The following COL4A2 variants were observed in gnomAD, a reference collection of about 807,000 sequenced individuals.
COL4A2 encodes the protein collagen alpha-2(IV) chain.
Under a neutral mutation model 200.2 loss-of-function variants are expected in COL4A2, and 99 were observed. The ratio of observed to expected loss-of-function variants is 0.49; its 90% CI spans 0.42 to 0.58. COL4A2 has a LOEUF of 0.58. COL4A2 is among the 20% of genes least tolerant of loss of function. COL4A2 has a pLI of 0.00. For synonymous variants in COL4A2, 897 were observed against 900.6 expected, an observed-to-expected ratio of 1.00 and a Z score of 0.07; for missense variants, 1,950 against 2,314.1, an observed-to-expected ratio of 0.84 and a Z score of 3.23.
intron 3 of COL4A2, among the ~76,000 whole-genome samples, chr13:110,334,025 T>C (rs1449832104): frequency 1.3e-5 from 2 of 152,214 alleles, no homozygotes; most frequent in Admixed American, 1.3e-4. Context: ...GGCCCCATGC[T>C]CCTGCTGAGT....
intron 3 of COL4A2, among the ~76,000 whole-genome samples, chr13:110,325,207 T>A (rs1346700247): frequency 1.3e-5 from 2 of 152,242 alleles, no homozygotes; most frequent in African/African-American, 2.4e-5. Flanking sequence ...GCATTTTTAA[T>A]AAGCATTTAG....
intron 22 of COL4A2, among the ~76,000 whole-genome samples, chr13:110,460,952 AT>A: frequency 6.6e-6 from 1 of 152,238 alleles, no homozygotes; most frequent in Non-Finnish European, 1.5e-5. Flanking sequence ...GAAACTCCCA[AT>A]TACTTTCAAC....
intron 16 of COL4A2, among the ~76,000 whole-genome samples, chr13:110,442,318 G>C (rs1277976344): frequency 2.0e-5 from 3 of 152,190 alleles, no homozygotes; most frequent in African/African-American, 7.2e-5. Context: ...GGGTTACAGG[G>C]AGGCAGTTTA....
intron 4 of COL4A2, among the ~76,000 whole-genome samples, chr13:110,403,699 A>G (rs1163983951): frequency 6.6e-6 from 1 of 152,056 alleles, no homozygotes; most frequent in Middle Eastern, 3.2e-3. Context: ...GCACCTCCAG[A>G]TTCTTTCAGA....
chr13:110,499,424 TCA>T (rs1262443073), intron 40 of COL4A2, among the ~76,000 whole-genome samples: 1 of 152,138 alleles, frequency 6.6e-6, no homozygotes, highest in East Asian at 1.9e-4. Flanking sequence ...TCCTGGGAAC[TCA>T]CTATCACGAG....
intron 4 of COL4A2, among the ~76,000 whole-genome samples, chr13:110,359,733 G>A (rs1055964917): frequency 3.3e-5 from 5 of 152,122 alleles, no homozygotes; most frequent in South Asian, 2.1e-4. Context: ...AATCAAATGG[G>A]CACAGTTCGT....
At chr13:110,506,257 ACTCTCT>A (rs10558706) in intron 45 of COL4A2, among the ~76,000 whole-genome samples, 152 bp from the exon 46 acceptor site, 25 of 117,404 alleles carry the variant, frequency 2.1e-4, no homozygotes, top group Non-Finnish European at 2.6e-4. Context: ...CAGGCCGTCC[ACTCTCT>A]CTCTCTCTCT....
At chr13:110,452,345 A>G (rs6492276) in intron 20 of COL4A2, among the ~76,000 whole-genome samples, 118,881 of 152,150 alleles carry the variant, frequency 0.78, 46,608 homozygotes, top group Middle Eastern at 0.89. Flanking sequence ...TGTATTTTTA[A>G]TAGAGACGGG....
intron 3 of COL4A2, among the ~76,000 whole-genome samples, chr13:110,310,796 C>G (rs1884956191): frequency 6.6e-6 from 1 of 152,176 alleles, no homozygotes; most frequent in Non-Finnish European, 1.5e-5. Flanking sequence ...TTGGGCACTT[C>G]CTGTGTGCCA....
intron 4 of COL4A2, among the ~76,000 whole-genome samples, chr13:110,395,084 C>A (rs758956757): frequency 1.3e-5 from 2 of 152,154 alleles, no homozygotes; most frequent in Non-Finnish European, 2.9e-5. Flanking sequence ...CAGGGTTGGC[C>A]CTAGTGCCCA....
intron 3 of COL4A2, among the ~76,000 whole-genome samples, chr13:110,309,423 G>C (rs979108397): frequency 1.3e-5 from 2 of 152,356 alleles, no homozygotes; most frequent in South Asian, 4.1e-4. Context: ...GCACAGGTCT[G>C]TACTGCATGT....
At chr13:110,411,883 G>T (rs974770162) in intron 4 of COL4A2, among the ~76,000 whole-genome samples, 1 of 152,098 alleles carries the variant, frequency 6.6e-6, no homozygotes, top group Non-Finnish European at 1.5e-5. Context: ...AAACCTCTCT[G>T]TGCCTCAGTT....
intron 4 of COL4A2, among the ~76,000 whole-genome samples, chr13:110,381,353 G>T (rs949268052): frequency 2.0e-5 from 3 of 152,200 alleles, no homozygotes; most frequent in Admixed American, 2.0e-4. Context: ...GCACTCTGGC[G>T]TCCCCTTTCC....
chr13:110,314,269 A>G (rs1885075565), intron 3 of COL4A2, among the ~76,000 whole-genome samples: 1 of 152,216 alleles, frequency 6.6e-6, no homozygotes, highest in Non-Finnish European at 1.5e-5. Flanking sequence ...TTGCTTCAGA[A>G]TTTTAAAATG....
Position 110,307,655 on chromosome 13 carries a change from A to T in COL4A2, c.-45+127A>T. On this transcript the variant is annotated intron_variant, in intron 1 of 47. Transcript: ENST00000360467. This position sits in a 1 kb window ranked among gnomAD's most constrained non-coding sequence, Gnocchi z 5.0. ...AAAGGGGGAGGGTGGGAGAGCGAAG[A>T]CCGAGCTCCTCGGCCAAGGAGCACC... 2 of 568,568 alleles carry T rather than the reference A, an allele frequency of 3.5e-6. No homozygotes were observed. Among genetic ancestry groups the T allele is most frequent in the Non-Finnish European group, 6.2e-6 (2 of 323,376 alleles). The allele number at this position is 568,568 out of a possible 1,614,324, so 35.2% of individuals were successfully genotyped here.
chr13:110,424,678 A>T lies in COL4A2; in HGVS notation c.181-56A>T, dbSNP rs1880397442. On this transcript the variant is annotated intron_variant, in intron 4 of 47. Coordinates refer to ENST00000360467, the MANE Select transcript of COL4A2 (RefSeq NM_001846.4). ...GTAGTTTTGAAAGTAACCGTAACTGATCATGAGTATGTATTGTGATTAATC... is the reference window on the plus strand; with the variant it reads ...GTAGTTTTGAAAGTAACCGTAACTGTTCATGAGTATGTATTGTGATTAATC... 8.8e-6 allele frequency: 11 copies of T among 1,252,720 alleles called. 1 individual carries two copies. The South Asian group carries it at 1.5e-4, about 18-fold the overall frequency. 77.6% of individuals were successfully genotyped at this position (1,252,720 alleles called of 1,614,324 possible).
chr13:110,367,905 A>G (rs569947461), intron 4 of COL4A2, among the ~76,000 whole-genome samples: 2 of 152,366 alleles, frequency 1.3e-5, no homozygotes, highest in South Asian at 4.1e-4. Flanking sequence ...GTACACGTTC[A>G]CAGCCCCAAC....
intron 3 of COL4A2, among the ~76,000 whole-genome samples, chr13:110,309,443 C>T (rs937793419): frequency 6.6e-6 from 1 of 152,222 alleles, no homozygotes; most frequent in Non-Finnish European, 1.5e-5. Context: ...TAAGACTTGG[C>T]TCAGATTTAT....
chr13:110,316,379 C>T (rs1245683396), intron 3 of COL4A2, among the ~76,000 whole-genome samples: 1 of 152,158 alleles, frequency 6.6e-6, no homozygotes, highest in East Asian at 1.9e-4. Flanking sequence ...AAGGAGATGC[C>T]GATTGGCAGC....
Sources: gnomAD v4.1 joint callset for allele counts (sites outside exome capture counted in the v4.1 genomes callset) on GRCh38, gnomAD v4.1.1 for gene constraint, Gnocchi (gnomAD v3.1) non-coding constraint, MANE v1.5 for transcripts, NCBI Gene and HGNC (gene_info 2026-07-23, HGNC 2026-07-21) for gene names.